The following MACROD2 variants were observed in gnomAD, a reference collection of about 807,000 sequenced individuals.
The protein encoded by MACROD2 is ADP-ribose glycohydrolase MACROD2.
In MACROD2, 36 loss-of-function variants were observed where a neutral mutation model predicts 70.4. That is an observed-to-expected ratio of 0.51 (90% confidence interval 0.39 to 0.68). MACROD2 has a LOEUF of 0.68. Ranked by LOEUF, MACROD2 falls within the 30% of genes least tolerant of loss-of-function variation. The pLI, the probability that MACROD2 is intolerant of heterozygous loss-of-function variation, is 0.00. For missense variants in MACROD2, 496 were observed against 538.4 expected (o/e 0.92, Z 0.78); for synonymous variants, 172 against 178.8 (o/e 0.96, Z 0.30).
chr20:15,697,019 A>T (rs2050386358), intron 8 of MACROD2, among the ~76,000 whole-genome samples: 1 of 151,834 alleles, frequency 6.6e-6, no homozygotes, highest in Non-Finnish European at 1.5e-5. Context: ...TGTTTTATTT[A>T]TCTTTTGTAT....
chr20:15,354,843 T>C (rs1268353217), intron 6 of MACROD2, among the ~76,000 whole-genome samples: 1 of 152,030 alleles, frequency 6.6e-6, no homozygotes, highest in Non-Finnish European at 1.5e-5. Flanking sequence ...AAATGAAAAA[T>C]AATGGAGAAT....
chr20:14,812,509 T>G (rs2072727485), intron 5 of MACROD2, among the ~76,000 whole-genome samples: 1 of 151,968 alleles, frequency 6.6e-6, no homozygotes, highest in Non-Finnish European at 1.5e-5. Flanking sequence ...CCATGGGACA[T>G]GTATACCTAT....
intron 5 of MACROD2, among the ~76,000 whole-genome samples, chr20:15,132,803 C>G (rs2076116415): frequency 6.6e-6 from 1 of 151,924 alleles, no homozygotes. Context: ...GATGAACTAA[C>G]TTTATCAGAT....
intron 8 of MACROD2, among the ~76,000 whole-genome samples, chr20:15,729,830 G>GTTTTTTTTTTTT (rs1487779107): frequency 4.0e-4 from 4 of 9,994 alleles, no homozygotes; most frequent in African/African-American, 1.4e-3. Flanking sequence ...GTTGGGTCAT[G>GTTTTTTTTTTTT]CTTTTTTTTT....
At chr20:15,107,027 T>TTTTTTTTTTTTTTTTTTTTTTTTGAG (rs1402166470) in intron 5 of MACROD2, among the ~76,000 whole-genome samples, 1 of 148,348 alleles carries the variant, frequency 6.7e-6, no homozygotes, top group African/African-American at 2.5e-5. Context: ...CACAATCCTT[T>TTTTTTTTTTTTTTTTTTTTTTTTGAG]ATATACCTTT....
intron 8 of MACROD2, among the ~76,000 whole-genome samples, chr20:15,533,013 T>C (rs1372681169): frequency 6.6e-6 from 1 of 152,200 alleles, no homozygotes; most frequent in Non-Finnish European, 1.5e-5. Context: ...TGTTTGCTTG[T>C]TTTTTAAACT....
At chr20:14,290,180 C>G (rs1484427210) in intron 3 of MACROD2, among the ~76,000 whole-genome samples, 1 of 152,138 alleles carries the variant, frequency 6.6e-6, no homozygotes, top group Non-Finnish European at 1.5e-5. Flanking sequence ...ATGGTCATTA[C>G]CTGGGTAACA....
chr20:14,717,534 G>GTT lies in MACROD2; in HGVS notation c.418+32588_418+32589dup, dbSNP rs11482339. Among the ~76,000 whole-genome samples the GTT allele has an allele frequency of 1.6e-3, 226 of 143,162 alleles. 1 individual carries two copies. The highest frequency in any genetic ancestry group is 3.7e-3 in the Middle Eastern group (1 of 270). 93.9% of individuals were successfully genotyped at this position (143,162 alleles called of 152,430 possible). On this transcript the variant is annotated intron_variant, in intron 5 of 17. Transcript: ENST00000684519. The stretch of plus-strand genomic sequence containing the variant: ...TGCCATACTGAATACCTTTTATGTA[G>GTT]TTTTTTTTTTTTTTGGCTAACATTT...
chr20:15,209,561 T>G (rs2076743102), intron 5 of MACROD2, among the ~76,000 whole-genome samples: 1 of 152,184 alleles, frequency 6.6e-6, no homozygotes, highest in African/African-American at 2.4e-5. Context: ...AATTCTAATC[T>G]TCTTTTGTAG....
At chr20:14,034,505 G>A (rs945002521) in intron 2 of MACROD2, among the ~76,000 whole-genome samples, 3 of 152,162 alleles carry the variant, frequency 2.0e-5, no homozygotes, top group Admixed American at 1.3e-4. Flanking sequence ...ATTGACAGAC[G>A]TTTTTAGTTT....
chr20:14,013,398 G>T (rs564528403), intron 2 of MACROD2, among the ~76,000 whole-genome samples: 1 of 150,592 alleles, frequency 6.6e-6, no homozygotes, highest in East Asian at 2.0e-4. Context: ...TCAGCCTCCC[G>T]AGTAGCTAGG....
chr20:14,358,360 A>C (rs757085377), intron 3 of MACROD2, among the ~76,000 whole-genome samples: 2 of 152,188 alleles, frequency 1.3e-5, no homozygotes, highest in African/African-American at 4.8e-5. Flanking sequence ...CATTGAACAT[A>C]TATATATTCC....
chr20:15,668,899 C>T lies in MACROD2; in HGVS notation c.645+169052C>T, dbSNP rs1156899740. The stretch of plus-strand genomic sequence containing the variant: ...TCTACATAGATTAACTAGTAGGCTC[C>T]TGTAAATAACTTTCATTTTTTAATA... On this transcript the variant is annotated intron_variant, in intron 8 of 17. Transcript: ENST00000684519. 2.0e-5 allele frequency among the ~76,000 whole-genome samples: 3 copies of T among 152,134 alleles called. No homozygotes were observed. The East Asian group carries it at 5.8e-4, about 29-fold the overall frequency.
At chr20:14,817,882 A>T (rs778381079) in intron 5 of MACROD2, among the ~76,000 whole-genome samples, 1 of 152,132 alleles carries the variant, frequency 6.6e-6, no homozygotes, top group African/African-American at 2.4e-5. Flanking sequence ...AGGACAGAGT[A>T]GTCTTTGAAG....
chr20:15,010,448 T>G (rs2075073880), intron 5 of MACROD2, among the ~76,000 whole-genome samples: 1 of 152,210 alleles, frequency 6.6e-6, no homozygotes, highest in African/African-American at 2.4e-5. Context: ...ACTATAGCCG[T>G]GGTAGGCACT....
At chr20:15,117,165 G>A (rs2075997273) in intron 5 of MACROD2, among the ~76,000 whole-genome samples, 1 of 152,174 alleles carries the variant, frequency 6.6e-6, no homozygotes, top group African/African-American at 2.4e-5. Context: ...TTGTGTCCAT[G>A]AGAGTGGACG....
chr20:14,323,168 G>A (rs1266779543), intron 3 of MACROD2: 1 of 151,466 alleles, frequency 6.6e-6, no homozygotes, highest in African/African-American at 2.5e-5. Flanking sequence ...TATCCCACAG[G>A]TTGAGGGCTT....
intron 3 of MACROD2, among the ~76,000 whole-genome samples, chr20:14,206,387 C>T (rs2081523192): frequency 6.6e-6 from 1 of 152,120 alleles, no homozygotes; most frequent in African/African-American, 2.4e-5. Context: ...TTCTGATGTA[C>T]CTTAAAGTTT....
At chr20:14,519,238 A>G (rs2085137849) in intron 4 of MACROD2, among the ~76,000 whole-genome samples, 1 of 152,128 alleles carries the variant, frequency 6.6e-6, no homozygotes, top group Admixed American at 6.6e-5. Flanking sequence ...CTTTCTTAGA[A>G]TCAAGATTCA....
Sources: allele counts gnomAD v4.1 joint callset (sites outside exome capture counted in the v4.1 genomes callset), GRCh38; gene constraint gnomAD v4.1.1; transcripts MANE v1.5; gene names NCBI Gene and HGNC (gene_info 2026-07-23, HGNC 2026-07-21).